The following KCNK10 variants were observed in gnomAD, a reference collection of about 807,000 sequenced individuals.
KCNK10 encodes the protein potassium channel subfamily K member 10.
A neutral mutation model predicts 47.7 loss-of-function variants in KCNK10; 25 were observed. The observed-to-expected ratio is 0.52, with a 90% confidence interval of 0.38 to 0.73. The LOEUF (loss-of-function observed/expected upper bound fraction) is 0.73. Ranked by LOEUF, KCNK10 falls within the 30% of genes least tolerant of loss-of-function variation. The pLI, the probability that KCNK10 is intolerant of heterozygous loss-of-function variation, is 0.00. For synonymous variants in KCNK10, 303 were observed against 285.6 expected, an observed-to-expected ratio of 1.06 and a Z score of -0.61; for missense variants, 563 against 714.5, an observed-to-expected ratio of 0.79 and a Z score of 2.42.
intron 1 of KCNK10, among the ~76,000 whole-genome samples, chr14:88,321,993 C>G (rs1310822509): frequency 2.0e-5 from 3 of 152,180 alleles, no homozygotes; most frequent in African/African-American, 7.2e-5. Flanking sequence ...TAGGCACACA[C>G]AAATCCGTCT....
At position 88,258,290 on chromosome 14, in the gene KCNK10, C is replaced by CTTTT. The variant is rs1255773967; in HGVS notation, c.402+4908_402+4911dup. ...GGTGAGTAACTTGCTTATGGTGAGTCTTTTTTTTTTTTTTTTTCGAGATGG... is the reference window on the plus strand; with the variant it reads ...GGTGAGTAACTTGCTTATGGTGAGTCTTTTTTTTTTTTTTTTTTTTTCGAGATGG... On this transcript the variant is annotated intron_variant, in intron 2 of 6. Transcript: ENST00000319231. 3.7e-5 allele frequency among the ~76,000 whole-genome samples: 5 copies of CTTTT among 136,260 alleles called. 1 individual carries two copies. The highest frequency in any genetic ancestry group is 5.4e-5 in the African/African-American group (2 of 37,130). 89.4% of individuals were successfully genotyped at this position (136,260 alleles called of 152,430 possible). A position where few individuals can be genotyped will look rare whatever the true frequency, so the allele number is the denominator to read the frequency against.
intron 4 of KCNK10, among the ~76,000 whole-genome samples, chr14:88,216,599 T>A (rs1157733545): frequency 6.6e-6 from 1 of 152,028 alleles, no homozygotes; most frequent in East Asian, 1.9e-4. Context: ...GAAGGAGCCG[T>A]CCATGGAAAA....
At position 88,235,012 on chromosome 14, in the gene KCNK10, G is replaced by T. The variant is rs536366554; in HGVS notation, c.520+5691C>A. ...GAGGGTCTCACTCTGAACTTCAAAA[G>T]AGATGTCCCTGTTTTTACCAAGCAT... On this transcript the variant is annotated intron_variant, in intron 3 of 6. Transcript: ENST00000319231. The T allele has an allele frequency of 1.4e-5, 6 of 441,208 alleles. No homozygotes were observed. In the East Asian group the frequency reaches 4.2e-4, roughly 31 times the overall value. 27.3% of individuals were successfully genotyped at this position (441,208 alleles called of 1,614,324 possible).
chr14:88,209,027 C>A (rs36115200), intron 4 of KCNK10, among the ~76,000 whole-genome samples: 55,365 of 151,878 alleles, frequency 0.36, 10,235 homozygotes, highest in African/African-American at 0.42. Flanking sequence ...AGGAACGGAA[C>A]AAATAATGGA....
chr14:88,213,974 G>A (rs897001060), intron 4 of KCNK10, among the ~76,000 whole-genome samples: 12 of 139,180 alleles, frequency 8.6e-5, no homozygotes, highest in Non-Finnish European at 1.6e-4. Context: ...AGTTTCACTC[G>A]TGTTGCCCAG....
chr14:88,223,254 A>C (rs28886350), intron 4 of KCNK10, among the ~76,000 whole-genome samples: 1,718 of 152,190 alleles, frequency 0.011, 40 homozygotes, highest in African/African-American at 0.04. Context: ...CTTGTATTCA[A>C]GGATAATTAG....
intron 1 of KCNK10, among the ~76,000 whole-genome samples, chr14:88,277,675 C>T (rs1009177623): frequency 8.5e-5 from 13 of 152,188 alleles, no homozygotes; most frequent in African/African-American, 3.1e-4. Flanking sequence ...TAAAACAGCT[C>T]AGTCTCTTCC....
At chr14:88,210,762 C>A (rs1479441021) in intron 4 of KCNK10, among the ~76,000 whole-genome samples, 1 of 151,170 alleles carries the variant, frequency 6.6e-6, no homozygotes, top group East Asian at 1.9e-4. Flanking sequence ...ATGGGAGCAG[C>A]CAGGACTTAG....
intron 4 of KCNK10, among the ~76,000 whole-genome samples, chr14:88,198,690 A>T (rs944332078): frequency 2.0e-5 from 3 of 151,990 alleles, no homozygotes; most frequent in African/African-American, 4.8e-5. Flanking sequence ...TGCAATACAC[A>T]TGGCCACTCA....
chr14:88,226,247 C>G (rs999479857), intron 4 of KCNK10, among the ~76,000 whole-genome samples: 1 of 152,192 alleles, frequency 6.6e-6, no homozygotes, highest in African/African-American at 2.4e-5. Context: ...AAATGGCTCA[C>G]CCAGCTATGG....
chr14:88,298,245 C>T (rs981766793), intron 1 of KCNK10, among the ~76,000 whole-genome samples: 1 of 152,142 alleles, frequency 6.6e-6, no homozygotes, highest in Non-Finnish European at 1.5e-5. Flanking sequence ...ATATCGTCCA[C>T]GTTCAGTGCA....
At chr14:88,266,972 A>G (rs1887275538) in intron 1 of KCNK10, among the ~76,000 whole-genome samples, 1 of 152,160 alleles carries the variant, frequency 6.6e-6, no homozygotes, top group African/African-American at 2.4e-5. Context: ...GAGACTGTCC[A>G]TTAGGGCAGA....
intron 1 of KCNK10, among the ~76,000 whole-genome samples, chr14:88,295,090 T>C (rs1336605347): frequency 6.6e-6 from 1 of 152,216 alleles, no homozygotes; most frequent in Non-Finnish European, 1.5e-5. Context: ...ATACCTATGA[T>C]GACAAGTACA....
At chr14:88,235,230 T>G (rs1886267727) in intron 3 of KCNK10, 1 of 456,544 alleles carries the variant, frequency 2.2e-6, no homozygotes, top group East Asian at 7.0e-5. Context: ...TCTCCCCAAC[T>G]CCATGAAATC....
At chr14:88,207,293 C>G (rs1390372339) in intron 4 of KCNK10, among the ~76,000 whole-genome samples, 2 of 151,914 alleles carry the variant, frequency 1.3e-5, no homozygotes, top group Non-Finnish European at 2.9e-5. Flanking sequence ...CTGCCTCAGC[C>G]TCCCGAGCAG....
At chr14:88,323,857 T>A (rs1888607628), upstream of KCNK10, 1 of 152,752 alleles carries the variant, frequency 6.5e-6, no homozygotes, top group Non-Finnish European at 1.5e-5. Flanking sequence ...TTCATTTTTT[T>A]TCCTCCCGCG....
At chr14:88,263,019 C>T (rs1887154046) in intron 2 of KCNK10, among the ~76,000 whole-genome samples, 183 bp downstream of exon 2, 1 of 152,160 alleles carries the variant, frequency 6.6e-6, no homozygotes, top group Admixed American at 6.5e-5. Flanking sequence ...CCTTCCCCCA[C>T]ACTGTCACAT....
chr14:88,261,381 A>G (rs1186400437), intron 2 of KCNK10, among the ~76,000 whole-genome samples: 3 of 152,244 alleles, frequency 2.0e-5, no homozygotes, highest in Non-Finnish European at 4.4e-5. Flanking sequence ...TCCATTCTCT[A>G]TAGCATGCTA....
At position 88,184,972 on chromosome 14, in the gene KCNK10, G is replaced by A. The variant is rs1196958054; in HGVS notation, c.*563C>T. 1 of 153,552 alleles carries A rather than the reference G, an allele frequency of 6.5e-6. No individual in the cohort carries two copies. Among genetic ancestry groups the A allele is most frequent in the Admixed American group, 6.5e-5 (1 of 15,432 alleles). 9.5% of individuals were successfully genotyped at this position (153,552 alleles called of 1,614,324 possible). A position where few individuals can be genotyped will look rare whatever the true frequency, so the allele number is the denominator to read the frequency against. ...TCTGATCTGCTTCCAACAAATTCCAGGTGCTCTCAGGTCCCCACAGACATT... is the reference window on the plus strand; with the variant it reads ...TCTGATCTGCTTCCAACAAATTCCAAGTGCTCTCAGGTCCCCACAGACATT... On this transcript the variant is annotated 3_prime_UTR_variant, in exon 7 of 7. Coordinates refer to ENST00000319231, the MANE Select transcript of KCNK10 (RefSeq NM_138317.3).
Sources: gnomAD v4.1 joint callset for allele counts (sites outside exome capture counted in the v4.1 genomes callset) on GRCh38, gnomAD v4.1.1 for gene constraint, MANE v1.5 for transcripts, NCBI Gene and HGNC (gene_info 2026-07-23, HGNC 2026-07-21) for gene names.